CHCHD3: variants seen among roughly 807,000 people sequenced by gnomAD.
CHCHD3 encodes the protein MICOS complex subunit MIC19.
Under a neutral mutation model 38.2 loss-of-function variants are expected in CHCHD3, and 20 were observed. That is an observed-to-expected ratio of 0.52 (90% CI 0.37 to 0.76). The LOEUF is 0.76. Ranked by LOEUF, CHCHD3 falls within the 30% of genes least tolerant of loss-of-function variation. The pLI is 0.00. For synonymous variants in CHCHD3, 82 were observed against 100.0 expected (o/e 0.82, Z 1.07); for missense variants, 245 against 279.2 (o/e 0.88, Z 0.87).
At chr7:133,003,567 G>A (rs187977033) in intron 3 of CHCHD3, among the ~76,000 whole-genome samples, 15 of 152,334 alleles carry the variant, frequency 9.8e-5, no homozygotes, top group Non-Finnish European at 1.6e-4. Flanking sequence ...ATATGTGACA[G>A]TGGAAAAGCA....
intron 5 of CHCHD3, among the ~76,000 whole-genome samples, chr7:132,868,080 G>GTTT (rs1808676071): frequency 6.6e-6 from 1 of 152,128 alleles, no homozygotes; most frequent in Non-Finnish European, 1.5e-5. Context: ...ATTTTATACT[G>GTTT]TAACAACTGC....
At chr7:132,922,372 C>T (rs1239237485) in intron 4 of CHCHD3, among the ~76,000 whole-genome samples, 1 of 152,154 alleles carries the variant, frequency 6.6e-6, no homozygotes, top group Non-Finnish European at 1.5e-5. Context: ...AATCCCTGTG[C>T]TCATTAATCA....
At chr7:132,886,920 G>C in intron 4 of CHCHD3, 1 of 1,139,902 alleles carries the variant, frequency 8.8e-7, no homozygotes, top group South Asian at 3.7e-5. Flanking sequence ...TCAACTATCT[G>C]CTTAGTTTAG....
rs201232431 is a variant in CHCHD3 at position 132,796,472 on chromosome 7, C to T, written c.630G>A (p.Gln210=). Residue 210 remains glutamine (Q), a synonymous_variant, in exon 7 of 8, where the codon CAG becomes CAA. Coordinates refer to ENST00000262570, the MANE Select transcript of CHCHD3 (RefSeq NM_017812.4). ...QTLKCSALAT[Q]YMHCVNHAKQ... is the part of the protein sequence containing the mutation. Reference sequence around the variant, plus strand: ...TGGCATGATTGACACAGTGCATATACTGGGTGGCCAGAGCGGAGCATTTGA... The same window carrying T: ...TGGCATGATTGACACAGTGCATATATTGGGTGGCCAGAGCGGAGCATTTGA... The T allele has an allele frequency of 3.2e-5, 51 of 1,613,916 alleles. No homozygotes were observed. The East Asian group carries it at 6.0e-4, about 19-fold the overall frequency.
At chr7:133,009,320 C>T (rs1301480929) in intron 3 of CHCHD3, among the ~76,000 whole-genome samples, 2 of 148,818 alleles carry the variant, frequency 1.3e-5, no homozygotes, top group Non-Finnish European at 3.0e-5. Context: ...GCCAAGATCG[C>T]GCCACTGCAC....
intron 4 of CHCHD3, among the ~76,000 whole-genome samples, chr7:132,935,482 C>A (rs1186223417): frequency 6.6e-6 from 1 of 152,130 alleles, no homozygotes; most frequent in East Asian, 1.9e-4. Flanking sequence ...TGTGTGTACT[C>A]TGGGTCAGGA....
At chr7:133,005,229 C>T (rs1327040818) in intron 3 of CHCHD3, among the ~76,000 whole-genome samples, 1 of 152,198 alleles carries the variant, frequency 6.6e-6, no homozygotes, top group East Asian at 1.9e-4. Flanking sequence ...AAAAAACAAA[C>T]CTAAAATCTC....
intron 4 of CHCHD3, among the ~76,000 whole-genome samples, chr7:132,886,340 T>C (rs923993919): frequency 2.6e-5 from 4 of 152,024 alleles, no homozygotes; most frequent in Admixed American, 2.0e-4. Flanking sequence ...CTTTAGTTAT[T>C]GTACTTTCAA....
chr7:132,957,071 C>G (rs990644902), intron 4 of CHCHD3, among the ~76,000 whole-genome samples: 1 of 152,186 alleles, frequency 6.6e-6, no homozygotes, highest in African/African-American at 2.4e-5. Context: ...TTCTTGTTCT[C>G]TGTTCAGCAA....
chr7:132,894,957 G>T (rs1244014062), intron 4 of CHCHD3, among the ~76,000 whole-genome samples: 1 of 152,140 alleles, frequency 6.6e-6, no homozygotes, highest in African/African-American at 2.4e-5. Context: ...CTACTAGAAG[G>T]GCTTCAGTCA....
chr7:132,809,411 T>G (rs1010074613), intron 6 of CHCHD3, among the ~76,000 whole-genome samples: 18 of 152,216 alleles, frequency 1.2e-4, no homozygotes, highest in African/African-American at 4.3e-4. Flanking sequence ...ATAGTCTATC[T>G]GCCTCAGCTG....
chr7:133,014,299 A>T (rs1452884957), intron 3 of CHCHD3, among the ~76,000 whole-genome samples: 1 of 151,550 alleles, frequency 6.6e-6, no homozygotes, highest in East Asian at 1.9e-4. Context: ...CTGACACCTA[A>T]ATCACACTAA....
chr7:132,825,048 TC>T lies in CHCHD3; in HGVS notation c.524+13350del, dbSNP rs142716943. On this transcript the variant is annotated intron_variant, in intron 6 of 7. Transcript: ENST00000262570. ...AAATCTTTTAGTAATAATTCCTGCA[TC>T]AAGTTTTGATGCTTCTGCAGTCGAG... Among the ~76,000 whole-genome samples the T allele has an allele frequency of 2.8e-3, 434 of 152,338 alleles. 3 individuals carry two copies. Among genetic ancestry groups the T allele is most frequent in the African/African-American group, 0.01 (425 of 41,590 alleles).
intron 4 of CHCHD3, among the ~76,000 whole-genome samples, chr7:132,889,186 G>A (rs191270575): frequency 1.3e-5 from 2 of 152,124 alleles, no homozygotes; most frequent in East Asian, 3.9e-4. Flanking sequence ...GTTATAGATA[G>A]CATGGAAATT....
intron 3 of CHCHD3, among the ~76,000 whole-genome samples, chr7:133,008,434 A>AAAAG (rs1269774333): frequency 6.6e-6 from 1 of 151,888 alleles, no homozygotes; most frequent in Non-Finnish European, 1.5e-5. Flanking sequence ...AGAAAAAAAA[A>AAAAG]AAAGAAAAAA....
chr7:132,999,642 T>C (rs778789170), intron 3 of CHCHD3, among the ~76,000 whole-genome samples: 44 of 152,286 alleles, frequency 2.9e-4, no homozygotes, highest in Admixed American at 2.2e-3. Context: ...TATCTTAATT[T>C]AGAAAAGGAA....
intron 7 of CHCHD3, among the ~76,000 whole-genome samples, chr7:132,796,073 C>T (rs1356768176): frequency 1.3e-5 from 2 of 152,000 alleles, no homozygotes; most frequent in Admixed American, 1.3e-4. Flanking sequence ...CTTATGGGCC[C>T]AAAGGTGCCA....
At chr7:132,943,000 G>A (rs577240746) in intron 4 of CHCHD3, among the ~76,000 whole-genome samples, 158 of 152,070 alleles carry the variant, frequency 1.0e-3, no homozygotes, top group African/African-American at 3.6e-3. Flanking sequence ...AGCCAACAAT[G>A]AGAAGAAAAA....
chr7:133,027,431 AG>A, intron 2 of CHCHD3, among the ~76,000 whole-genome samples: 1 of 38,010 alleles, frequency 2.6e-5, no homozygotes, highest in Admixed American at 3.2e-4. Context: ...GAAGGAAGGA[AG>A]GGAGGGAGGG....
Sources: gnomAD v4.1 joint callset for allele counts (sites outside exome capture counted in the v4.1 genomes callset) on GRCh38, gnomAD v4.1.1 for gene constraint, MANE v1.5 for transcripts, NCBI Gene and HGNC (gene_info 2026-07-23, HGNC 2026-07-21) for gene names.